Variants in FSTL5 observed in about 807,000 individuals in gnomAD.
The protein encoded by FSTL5 is follistatin like 5.
FSTL5 carries 62 observed loss-of-function variants against 89.1 expected under a neutral mutation model. The observed-to-expected ratio is 0.70, with a 90% confidence interval of 0.57 to 0.86. FSTL5 has a LOEUF of 0.86. Among genes scored for constraint, FSTL5 ranks in the 40% least tolerant of loss-of-function variants. FSTL5 has a pLI of 0.00. For synonymous variants in FSTL5, 383 were observed against 346.2 expected (o/e 1.11, Z -1.18); for missense variants, 1,057 against 1,001.6 (o/e 1.06, Z -0.75).
Position 161,385,576 on chromosome 4 carries a change from A to G in FSTL5, c.*171T>C, listed in dbSNP as rs1730590243. 1.8e-6 allele frequency: 1 copy of G among 546,942 alleles called. No homozygotes were observed. Among genetic ancestry groups the G allele is most frequent in the Admixed American group, 3.6e-5 (1 of 27,574 alleles). 33.9% of individuals were successfully genotyped at this position (546,942 alleles called of 1,614,324 possible). ...TATTTCTAATTAACCAATATAATTA[A>G]TTGTGTATGTCTTAGTCACTTAGTC... On this transcript the variant is annotated 3_prime_UTR_variant, in exon 16 of 16. Transcript: ENST00000306100.
chr4:161,769,016 C>CTGA (rs1741114491), intron 5 of FSTL5, among the ~76,000 whole-genome samples: 1 of 151,816 alleles, frequency 6.6e-6, no homozygotes, highest in African/African-American at 2.4e-5. Flanking sequence ...GACATTAAAA[C>CTGA]TGATACTACA....
chr4:161,978,437 G>C (rs900032318), intron 3 of FSTL5, among the ~76,000 whole-genome samples: 1 of 151,872 alleles, frequency 6.6e-6, no homozygotes, highest in Non-Finnish European at 1.5e-5. Flanking sequence ...TGATTAATAT[G>C]CTTTATTTTT....
At chr4:161,820,795 A>G (rs995938035) in intron 4 of FSTL5, among the ~76,000 whole-genome samples, 13 of 152,176 alleles carry the variant, frequency 8.5e-5, no homozygotes, top group African/African-American at 2.9e-4. Flanking sequence ...AGCTCTACAG[A>G]AATATGTTTT....
chr4:161,781,143 T>C (rs1741651954), intron 4 of FSTL5, among the ~76,000 whole-genome samples: 1 of 152,044 alleles, frequency 6.6e-6, no homozygotes, highest in Non-Finnish European at 1.5e-5. Context: ...AAAACACAAA[T>C]ATTTTAGATA....
chr4:162,060,332 T>C (rs962644808), intron 2 of FSTL5, among the ~76,000 whole-genome samples: 20 of 152,232 alleles, frequency 1.3e-4, no homozygotes, highest in Non-Finnish European at 1.3e-4. Context: ...CATAGCATAG[T>C]AGAGCTTCTA....
In FSTL5 at chr4:161,756,599, C is replaced by T. The variant is rs116061708; in HGVS notation, c.727+2812G>A. Among the ~76,000 whole-genome samples the T allele has an allele frequency of 8.0e-3, 1,219 of 152,038 alleles. 16 individuals are homozygous for T. Among genetic ancestry groups the T allele is most frequent in the African/African-American group, 0.027 (1,103 of 41,472 alleles). On this transcript the variant is annotated intron_variant, in intron 6 of 15. Coordinates refer to ENST00000306100, the MANE Select transcript of FSTL5 (RefSeq NM_020116.5). ...ACTTGTAAAATGTTATTTATAAGGA[C>T]GATGCACTGATGTACCTTGTTTTCT...
intron 4 of FSTL5, among the ~76,000 whole-genome samples, chr4:161,777,471 A>G (rs553146309): frequency 6.6e-6 from 1 of 152,178 alleles, no homozygotes; most frequent in South Asian, 2.1e-4. Context: ...ACTATGAAGA[A>G]CAGTATGAAG....
intron 13 of FSTL5, among the ~76,000 whole-genome samples, chr4:161,479,232 T>G (rs542587632): frequency 1.3e-5 from 2 of 152,210 alleles, no homozygotes; most frequent in South Asian, 4.1e-4. Flanking sequence ...CCTTAGTATT[T>G]CATAATAATA....
In FSTL5 at chr4:161,732,581, C is replaced by A. The variant is rs143160050; in HGVS notation, c.727+26830G>T. 3.7e-3 allele frequency among the ~76,000 whole-genome samples: 565 copies of A among 152,056 alleles called. 5 individuals carry two copies. Among genetic ancestry groups the A allele is most frequent in the African/African-American group, 0.013 (544 of 41,530 alleles). ...GAATGCTTAGCCAAAACAAGGCATG[C>A]AAAATTGTATTCTATGCTTTCTTTG... On this transcript the variant is annotated intron_variant, in intron 6 of 15. Coordinates refer to ENST00000306100, the MANE Select transcript of FSTL5 (RefSeq NM_020116.5).
At chr4:161,600,158 AAC>A (rs71598717) in intron 7 of FSTL5, among the ~76,000 whole-genome samples, 39,106 of 141,786 alleles carry the variant, frequency 0.28, 5,342 homozygotes, top group Non-Finnish European at 0.33. Context: ...AATGTCAATA[AAC>A]ACACACACAC....
At chr4:161,448,733 C>A (rs987707916) in intron 15 of FSTL5, among the ~76,000 whole-genome samples, 2 of 152,120 alleles carry the variant, frequency 1.3e-5, no homozygotes, top group African/African-American at 4.8e-5. Flanking sequence ...TGATCGGAAA[C>A]AAGATAAATC....
chr4:161,828,301 T>C lies in FSTL5; in HGVS notation c.410-52227A>G, dbSNP rs188035949. Among the ~76,000 whole-genome samples the C allele has an allele frequency of 5.1e-3, 778 of 151,928 alleles. 12 individuals carry two copies. The highest frequency in any genetic ancestry group is 0.039 in the Admixed American group (599 of 15,242). On this transcript the variant is annotated intron_variant, in intron 4 of 15. Coordinates refer to ENST00000306100, the MANE Select transcript of FSTL5 (RefSeq NM_020116.5). ...ACTTTCACTCTTTGAGCATTTACAG[T>C]TTTGGGGCTGTCTCCTGGGGCCTGT... is the stretch of plus-strand genomic sequence containing the variant.
rs141491973 is a variant in FSTL5, at chr4:161,979,528, G to GTC, written c.160+54095_160+54096dup. ...AAATCTTCCTCCCCCTTTCCTTTCT[G>GTC]TCTCTCTCTCTCTCTGTCTTCTCTC... is the stretch of plus-strand genomic sequence containing the variant. On this transcript the variant is annotated intron_variant, in intron 3 of 15. Coordinates refer to ENST00000306100, the MANE Select transcript of FSTL5 (RefSeq NM_020116.5). Among the ~76,000 whole-genome samples the GTC allele has an allele frequency of 1.8e-3, 277 of 150,282 alleles. 1 individual carries two copies. The highest frequency in any genetic ancestry group is 6.1e-3 in the African/African-American group (251 of 41,120).
intron 6 of FSTL5, among the ~76,000 whole-genome samples, chr4:161,682,082 A>G (rs1371941769): frequency 6.6e-6 from 1 of 152,188 alleles, no homozygotes; most frequent in Non-Finnish European, 1.5e-5. Flanking sequence ...GCATTTGTGT[A>G]TCTAAATATT....
intron 12 of FSTL5, among the ~76,000 whole-genome samples, chr4:161,487,156 G>T (rs542780483): frequency 8.5e-5 from 13 of 152,156 alleles, no homozygotes; most frequent in African/African-American, 3.1e-4. Flanking sequence ...GTTAGCCTTT[G>T]CTATTCCAGT....
rs571607945 is a variant in FSTL5, at chr4:161,412,000, A to G, written c.1842-25551T>C. On this transcript the variant is annotated intron_variant, in intron 15 of 15. Coordinates refer to ENST00000306100, the MANE Select transcript of FSTL5 (RefSeq NM_020116.5). The stretch of plus-strand genomic sequence containing the variant: ...ATAAACAACTTATTAAGGTTTCACC[A>G]TACAAAATTAATGTACAAAAATCAG... Among the ~76,000 whole-genome samples, 10 of 152,352 alleles carry G rather than the reference A, an allele frequency of 6.6e-5. No individual in the cohort carries two copies. In the East Asian group the frequency reaches 9.7e-4, roughly 15 times the overall value.
At chr4:161,785,011 G>A (rs899547355) in intron 4 of FSTL5, among the ~76,000 whole-genome samples, 2 of 151,830 alleles carry the variant, frequency 1.3e-5, no homozygotes, top group African/African-American at 4.8e-5. Context: ...TGCTGGCACT[G>A]TTGTGTTTTA....
chr4:161,629,640 C>T (rs529415289), intron 7 of FSTL5, among the ~76,000 whole-genome samples: 123 of 152,188 alleles, frequency 8.1e-4, no homozygotes, highest in Admixed American at 3.1e-3. Flanking sequence ...CCACCGCGCC[C>T]GGCCCATAAA....
intron 1 of FSTL5, among the ~76,000 whole-genome samples, chr4:162,154,675 GC>G (rs1422948834): frequency 1.3e-5 from 2 of 151,986 alleles, no homozygotes; most frequent in African/African-American, 4.8e-5. Context: ...AAAACATTAA[GC>G]AAATCCATCA....
Sources: allele counts gnomAD v4.1 joint callset (sites outside exome capture counted in the v4.1 genomes callset), GRCh38; gene constraint gnomAD v4.1.1; transcripts MANE v1.5; gene names NCBI Gene and HGNC (gene_info 2026-07-23, HGNC 2026-07-21).